Variants in CACNA2D4 observed in about 807,000 individuals in gnomAD.
CACNA2D4 encodes the protein calcium voltage-gated channel auxiliary subunit alpha2delta 4, also known as voltage-dependent calcium channel subunit alpha-2/delta-4.
CACNA2D4 carries 157 observed loss-of-function variants against 163.8 expected under a neutral mutation model. The observed-to-expected ratio is 0.96, with a 90% CI of 0.84 to 1.09. The LOEUF is 1.09. Ranked by LOEUF, CACNA2D4 falls within the 50% of genes least tolerant of loss-of-function variation. CACNA2D4 has a pLI of 0.00. For missense variants in CACNA2D4, 1,410 were observed against 1,479.9 expected (o/e 0.95, Z 0.78); for synonymous variants, 598 against 586.9 (o/e 1.02, Z -0.27).
At chr12:1,810,749 G>T (rs547741700) in intron 27 of CACNA2D4, among the ~76,000 whole-genome samples, 162 bp from the exon 28 acceptor site, 1 of 152,080 alleles carries the variant, frequency 6.6e-6, no homozygotes, top group African/African-American at 2.4e-5. Context: ...TGTGGGTGTG[G>T]GATGTGTGTG....
Position 1,908,024 on chromosome 12 carries a change from T to C in CACNA2D4, c.500A>G (p.Asn167Ser), listed in dbSNP as rs1019616160. Residue 167 changes from asparagine (N) to serine (S), a missense_variant, in exon 5 of 38, where the codon AAC becomes AGC. By Grantham distance (46) the Asn-to-Ser change is conservative. Transcript: ENST00000382722. ...GTCCCTCTCGTTGATCAGGACCGAG[T>C]TGTAATAGTCGAACTGGGGTGGACG... ...FNESLVFDYY[N>S]SVLINERDEK... 4 of 1,612,826 alleles carry C rather than the reference T, an allele frequency of 2.5e-6. No homozygotes were observed. The highest frequency in any genetic ancestry group is 3.4e-6 in the Non-Finnish European group (4 of 1,179,214).
chr12:1,863,613 T>G (rs1319126073), intron 18 of CACNA2D4, among the ~76,000 whole-genome samples: 1 of 152,226 alleles, frequency 6.6e-6, no homozygotes, highest in Non-Finnish European at 1.5e-5. Flanking sequence ...GTTTTGTAGT[T>G]TTCAGTGTAG....
rs1477512919 is a variant in CACNA2D4, at chr12:1,828,564, G to A, written c.2551+12175C>T. ...CTGCTGAGTCTTAAACAGCCTCACT[G>A]GTGCCTGAGCTTGTCGGCCTGTGTC... On this transcript the variant is annotated intron_variant, in intron 26 of 37. Coordinates refer to ENST00000382722, the MANE Select transcript of CACNA2D4 (RefSeq NM_172364.5). The surrounding 1 kb of genome is among the most constrained non-coding windows in gnomAD (Gnocchi z 4.2). Among the ~76,000 whole-genome samples, 1 of 152,238 alleles carries A rather than the reference G, an allele frequency of 6.6e-6. No individual in the cohort carries two copies. Among genetic ancestry groups the A allele is most frequent in the Non-Finnish European group, 1.5e-5 (1 of 68,046 alleles).
intron 29 of CACNA2D4, among the ~76,000 whole-genome samples, chr12:1,808,235 G>A (rs1863603196): frequency 6.6e-6 from 1 of 152,076 alleles, no homozygotes; most frequent in South Asian, 2.1e-4. Flanking sequence ...CCGCCTCCCC[G>A]CACGGTTGTC....
intron 18 of CACNA2D4, among the ~76,000 whole-genome samples, chr12:1,863,671 T>C (rs1459385268): frequency 1.3e-5 from 2 of 152,238 alleles, no homozygotes; most frequent in African/African-American, 4.8e-5. Flanking sequence ...TTTTATGTTA[T>C]TTGATGCTAT....
At chr12:1,884,379 A>G in intron 11 of CACNA2D4, 58 bp from the exon 12 acceptor site, 1 of 1,389,058 alleles carries the variant, frequency 7.2e-7, no homozygotes, top group Non-Finnish European at 1.0e-6. Context: ...AAGTAATGTT[A>G]ACATTGTTTA....
At chr12:1,893,196 A>G (rs10848587) in intron 6 of CACNA2D4, among the ~76,000 whole-genome samples, 23,042 of 152,162 alleles carry the variant, frequency 0.15, 2,012 homozygotes, top group African/African-American at 0.24. Context: ...CATTATTCTC[A>G]CCAGCACATG....
rs774336316 is a variant in CACNA2D4 at position 1,800,415 on chromosome 12, C to T, written c.2892G>A (p.Ala964=). 39 of 1,613,784 alleles carry T rather than the reference C, an allele frequency of 2.4e-5. No homozygotes were observed. Among genetic ancestry groups the T allele is most frequent in the Non-Finnish European group, 2.7e-5 (32 of 1,179,864 alleles). ...LVSPISAFLT[A]TRWLLQELVL... is the part of the protein sequence containing the mutation. ...CCAGCTCCTGCAGCAGCCACCTGGT[C>T]GCCGTCAAGAAGGCAGAAATTGGCT... Residue 964 remains alanine, a synonymous_variant, in exon 32 of 38, where the codon GCG becomes GCA. Transcript: ENST00000382722.
At chr12:1,905,886 G>T (rs1866648996) in intron 6 of CACNA2D4, among the ~76,000 whole-genome samples, 1 of 152,034 alleles carries the variant, frequency 6.6e-6, no homozygotes, top group Non-Finnish European at 1.5e-5. Flanking sequence ...AACAATTTGG[G>T]GGGAAAGAAA....
chr12:1,809,752 C>G (rs1863645405), intron 29 of CACNA2D4, among the ~76,000 whole-genome samples: 1 of 152,222 alleles, frequency 6.6e-6, no homozygotes, highest in South Asian at 2.1e-4. Flanking sequence ...CGCGTCCATC[C>G]CCCATTTCTT....
chr12:1,893,296 T>A (rs1388792907), intron 6 of CACNA2D4, among the ~76,000 whole-genome samples: 4 of 152,032 alleles, frequency 2.6e-5, no homozygotes, highest in African/African-American at 9.7e-5. Flanking sequence ...GGCGGGTGGA[T>A]CACGAGGTCA....
At chr12:1,876,553 C>A (rs1236455484) in intron 16 of CACNA2D4, among the ~76,000 whole-genome samples, 1 of 152,224 alleles carries the variant, frequency 6.6e-6, no homozygotes, top group Non-Finnish European at 1.5e-5. Context: ...AGGCCCCCAG[C>A]AGATGCCTGG....
rs371480775 is a variant in CACNA2D4, at chr12:1,800,034, A to G, written c.2940T>C (p.Ser980=). Residue 980 remains serine, a synonymous_variant, in exon 33 of 38, where the codon AGT becomes AGC. Coordinates refer to ENST00000382722, the MANE Select transcript of CACNA2D4 (RefSeq NM_172364.5). ...CTCTGTCGTACCAGGAGCCCCAGACACTCCACTCCAGCAGGAACCTGTCAG... is the reference window on the plus strand; with the variant it reads ...CTCTGTCGTACCAGGAGCCCCAGACGCTCCACTCCAGCAGGAACCTGTCAG... ...QELVLFLLEW[S]VWGSWYDRGA... 1.2e-6 allele frequency: 2 copies of G among 1,602,402 alleles called. No homozygotes were observed. The highest frequency in any genetic ancestry group is 1.7e-6 in the Non-Finnish European group (2 of 1,174,992).
At chr12:1,857,372 G>A (rs80197196) in intron 20 of CACNA2D4, among the ~76,000 whole-genome samples, 351 of 152,310 alleles carry the variant, frequency 2.3e-3, no homozygotes, top group African/African-American at 8.0e-3. Context: ...GGAGGAGCAG[G>A]CCCATCAGCA....
At chr12:1,881,638 C>A (rs888643617) in intron 13 of CACNA2D4, among the ~76,000 whole-genome samples, 1 of 152,202 alleles carries the variant, frequency 6.6e-6, no homozygotes, top group African/African-American at 2.4e-5. Flanking sequence ...CCCCTCCTGT[C>A]CTCCTTCTCC....
intron 26 of CACNA2D4, chr12:1,827,924 G>C: frequency 2.4e-6 from 1 of 411,402 alleles, no homozygotes. Context: ...AGGCTTCCTG[G>C]CTCCTCTTCT....
rs149827610 is a variant in CACNA2D4, at chr12:1,829,192, C to T, written c.2551+11547G>A. 2.5e-3 allele frequency among the ~76,000 whole-genome samples: 376 copies of T among 152,296 alleles called. 1 individual carries two copies. The highest frequency in any genetic ancestry group is 8.5e-3 in the African/African-American group (353 of 41,556). ...TGGGGGGCGCAGGGAGTCGCTCTTCCGCAGCGGCTCTCTTAGCCTGCTGTC... is the reference window on the plus strand; with the variant it reads ...TGGGGGGCGCAGGGAGTCGCTCTTCTGCAGCGGCTCTCTTAGCCTGCTGTC... On this transcript the variant is annotated intron_variant, in intron 26 of 37. Transcript: ENST00000382722. The surrounding 1 kb of genome is among the most constrained non-coding windows in gnomAD (Gnocchi z 4.2).
Position 1,799,546 on chromosome 12 carries a change from T to C in CACNA2D4, c.2995+129A>G. 1 of 1,000,166 alleles carries C rather than the reference T, an allele frequency of 1.0e-6. No individual in the cohort carries two copies. The highest frequency in any genetic ancestry group is 1.5e-5 in the South Asian group (1 of 66,070). 62.0% of individuals were successfully genotyped at this position (1,000,166 alleles called of 1,614,324 possible). On this transcript the variant is annotated intron_variant, in intron 34 of 37. Transcript: ENST00000382722. This position sits in a 1 kb window ranked among gnomAD's most constrained non-coding sequence, Gnocchi z 4.7. Reference sequence around the variant, plus strand: ...GTCCCCCAACCCCCAGGAATGGTACTTTAAACCAGGAGAGCTCAGCCCTGC... The same window carrying C: ...GTCCCCCAACCCCCAGGAATGGTACCTTAAACCAGGAGAGCTCAGCCCTGC...
Position 1,844,615 on chromosome 12 carries a change from C to T in CACNA2D4, c.2343-86G>A, listed in dbSNP as rs114348789. The T allele has an allele frequency of 5.5e-4, 803 of 1,466,830 alleles. 2 individuals are homozygous for T. The African/African-American group carries it at 0.01, about 19-fold the overall frequency. The allele number at this position is 1,466,830 out of a possible 1,614,324, so 90.9% of individuals were successfully genotyped here. A position where few individuals can be genotyped will look rare whatever the true frequency, so the allele number is the denominator to read the frequency against. The stretch of plus-strand genomic sequence containing the variant: ...CTTTTCTCACACAAGGTCAACTTGG[C>T]TGGGCTAAGAGAGTGATTTTAGCCC... On this transcript the variant is annotated intron_variant, in intron 24 of 37. Transcript: ENST00000382722. This position sits in a 1 kb window ranked among gnomAD's most constrained non-coding sequence, Gnocchi z 4.2.
Sources: allele counts gnomAD v4.1 joint callset (sites outside exome capture counted in the v4.1 genomes callset), GRCh38; gene constraint gnomAD v4.1.1; non-coding constraint Gnocchi (gnomAD v3.1); transcripts MANE v1.5; gene names NCBI Gene and HGNC (gene_info 2026-07-23, HGNC 2026-07-21).